The following OSBPL10 variants were observed in gnomAD, a reference collection of about 807,000 sequenced individuals.
OSBPL10 encodes the protein oxysterol-binding protein-related protein 10.
Under a neutral mutation model 81.7 loss-of-function variants are expected in OSBPL10, and 49 were observed. The observed-to-expected ratio is 0.60, with a 90% CI of 0.48 to 0.76. The LOEUF (loss-of-function observed/expected upper bound fraction) is 0.76. OSBPL10 is among the 30% of genes least tolerant of loss of function. OSBPL10 has a pLI of 0.00. For missense variants in OSBPL10, 923 were observed against 987.8 expected (o/e 0.93, Z 0.88); for synonymous variants, 419 against 383.6 (o/e 1.09, Z -1.08).
At chr3:31,747,720 G>A (rs1266967114) in intron 5 of OSBPL10, among the ~76,000 whole-genome samples, 190 bp downstream of exon 5, 1 of 152,130 alleles carries the variant, frequency 6.6e-6, no homozygotes, top group Non-Finnish European at 1.5e-5. Context: ...TTCATGAAAT[G>A]TTACATTTGT....
intron 4 of OSBPL10, among the ~76,000 whole-genome samples, chr3:31,769,741 G>A (rs1185442760): frequency 6.6e-6 from 1 of 151,920 alleles, no homozygotes; most frequent in African/African-American, 2.4e-5. Flanking sequence ...TCACCACTAA[G>A]GAACCCCACC....
chr3:31,667,188 A>G (rs1461476980), intron 10 of OSBPL10, among the ~76,000 whole-genome samples: 3 of 152,248 alleles, frequency 2.0e-5, no homozygotes, highest in African/African-American at 4.8e-5. Flanking sequence ...AGGTTTCCCC[A>G]TTCTGGGAAT....
chr3:31,697,292 C>T (rs1695752160), intron 7 of OSBPL10, among the ~76,000 whole-genome samples: 1 of 152,148 alleles, frequency 6.6e-6, no homozygotes, highest in East Asian at 1.9e-4. Flanking sequence ...CCCAGCTGTT[C>T]CAGCCAAGTC....
At chr3:31,989,515 C>T in intron 2 of OSBPL10, 2 of 1,614,144 alleles carry the variant, frequency 1.2e-6, no homozygotes, top group African/African-American at 1.3e-5. Context: ...TCGAAGGCAT[C>T]CTGGAAACAA....
chr3:31,680,142 G>A (rs989129796), intron 8 of OSBPL10, among the ~76,000 whole-genome samples: 1 of 152,120 alleles, frequency 6.6e-6, no homozygotes, highest in African/African-American at 2.4e-5. Context: ...CAGAAAAGAG[G>A]CCGGTGAGGA....
At chr3:31,803,137 G>A (rs1433398950) in intron 4 of OSBPL10, among the ~76,000 whole-genome samples, 4 of 152,196 alleles carry the variant, frequency 2.6e-5, no homozygotes, top group South Asian at 2.1e-4. Context: ...CCACCCAGAC[G>A]TGACCTTTTC....
At chr3:31,916,570 C>T (rs541568641) in intron 1 of OSBPL10, among the ~76,000 whole-genome samples, 6 of 152,306 alleles carry the variant, frequency 3.9e-5, no homozygotes, top group Non-Finnish European at 7.4e-5. Flanking sequence ...CACCCACCCC[C>T]ACAAATGATC....
intron 11 of OSBPL10, chr3:31,663,613 T>A: frequency 9.6e-7 from 1 of 1,039,680 alleles, no homozygotes; most frequent in Non-Finnish European, 1.2e-6. Context: ...TGACTAGCCC[T>A]TGTGGCCCAC....
At chr3:31,697,696 A>G (rs1022817128) in intron 7 of OSBPL10, among the ~76,000 whole-genome samples, 1 of 151,976 alleles carries the variant, frequency 6.6e-6, no homozygotes, top group Non-Finnish European at 1.5e-5. Flanking sequence ...AGTATCTTCG[A>G]TGCACATCCA....
chr3:31,905,176 T>C (rs372774159), intron 1 of OSBPL10, among the ~76,000 whole-genome samples: 28 of 152,168 alleles, frequency 1.8e-4, no homozygotes, highest in African/African-American at 6.8e-4. Flanking sequence ...CTGTCTTGCC[T>C]ACATAGAAAG....
At chr3:31,888,505 C>T (rs1455396176) in intron 1 of OSBPL10, among the ~76,000 whole-genome samples, 2 of 151,946 alleles carry the variant, frequency 1.3e-5, no homozygotes, top group Non-Finnish European at 2.9e-5. Context: ...TTCTGTGCAA[C>T]AAAGGAAACA....
chr3:31,843,993 C>T (rs139267831), intron 3 of OSBPL10, among the ~76,000 whole-genome samples: 6 of 152,246 alleles, frequency 3.9e-5, no homozygotes, highest in African/African-American at 1.2e-4. Context: ...TCTGGGGATA[C>T]ATAACTAAGA....
At chr3:31,955,994 G>C (rs896742475) in intron 1 of OSBPL10, among the ~76,000 whole-genome samples, 1 of 152,168 alleles carries the variant, frequency 6.6e-6, no homozygotes, top group East Asian at 1.9e-4. Context: ...GGCAGAAGTG[G>C]GTTATATCCA....
At chr3:31,959,253 T>C (rs954108075) in intron 1 of OSBPL10, among the ~76,000 whole-genome samples, 1 of 152,226 alleles carries the variant, frequency 6.6e-6, no homozygotes, top group Admixed American at 6.5e-5. Context: ...TTCCTGAATT[T>C]ACAAGTCCAC....
At chr3:31,946,470 C>G (rs1322141703) in intron 1 of OSBPL10, among the ~76,000 whole-genome samples, 1 of 151,366 alleles carries the variant, frequency 6.6e-6, no homozygotes, top group Non-Finnish European at 1.5e-5. Flanking sequence ...TTCCTGACTA[C>G]TATGTACAAA....
intron 1 of OSBPL10, among the ~76,000 whole-genome samples, chr3:31,966,364 G>T (rs954943848): frequency 6.6e-6 from 1 of 151,108 alleles, no homozygotes; most frequent in Non-Finnish European, 1.5e-5. Flanking sequence ...GAAAAGAAAT[G>T]ATAATTTAAT....
intron 3 of OSBPL10, among the ~76,000 whole-genome samples, chr3:31,845,297 G>A (rs142157557): frequency 6.6e-6 from 1 of 152,058 alleles, no homozygotes; most frequent in Non-Finnish European, 1.5e-5. Flanking sequence ...TTATAATAAG[G>A]CTGCTCTTAT....
At chr3:31,702,886 T>C (rs1409937708) in intron 6 of OSBPL10, among the ~76,000 whole-genome samples, 1 of 152,230 alleles carries the variant, frequency 6.6e-6, no homozygotes, top group African/African-American at 2.4e-5. Context: ...TCCAGGCCAC[T>C]TCATATCTAA....
At chr3:31,943,565 C>G (rs534941690) in intron 1 of OSBPL10, among the ~76,000 whole-genome samples, 1 of 152,298 alleles carries the variant, frequency 6.6e-6, no homozygotes, top group Non-Finnish European at 1.5e-5. Flanking sequence ...TAAAATCTTA[C>G]TGTCTAGTTA....
Sources: allele counts gnomAD v4.1 joint callset (sites outside exome capture counted in the v4.1 genomes callset), GRCh38; gene constraint gnomAD v4.1.1; transcripts MANE v1.5; gene names NCBI Gene and HGNC (gene_info 2026-07-23, HGNC 2026-07-21).